The following SEPTIN2 variants were observed in gnomAD, a reference collection of about 807,000 sequenced individuals.
SEPTIN2 encodes septin-2.
Under a neutral mutation model 46.5 loss-of-function variants are expected in SEPTIN2, and 34 were observed. That is an observed-to-expected ratio of 0.73 (90% CI 0.56 to 0.97). The LOEUF is 0.97. Among genes scored for constraint, SEPTIN2 ranks in the 50% least tolerant of loss-of-function variants. The pLI is 0.00. For synonymous variants in SEPTIN2, 175 were observed against 153.4 expected (o/e 1.14, Z -1.04); for missense variants, 347 against 448.4 (o/e 0.77, Z 2.04).
intron 1 of SEPTIN2, chr2:241,316,302 C>G: frequency 2.4e-6 from 1 of 418,850 alleles, no homozygotes; most frequent in Non-Finnish European, 4.3e-6. Flanking sequence ...CTCGGGGCGT[C>G]GAGTGCGGTC....
Position 241,348,162 on chromosome 2 carries a change from G to C in SEPTIN2, c.955G>C (p.Asp319His), listed in dbSNP as rs1191101126. 1 of 1,613,294 alleles carries C rather than the reference G, an allele frequency of 6.2e-7. No homozygotes were observed. Among genetic ancestry groups the C allele is most frequent in the Non-Finnish European group, 8.5e-7 (1 of 1,179,606 alleles). ...RKVENEDMNK[D>H]QILLEKEAEL... ...AGTGGAGAATGAGGACATGAATAAA[G>C]ACCAGATCTTGCTGGAAAAAGAAGC... The change falls in exon 11 of 13, where the codon GAC (aspartate) becomes CAC (histidine). Residue 319 changes from aspartate to histidine, a missense_variant. Coordinates refer to ENST00000391971, the MANE Select transcript of SEPTIN2 (RefSeq NM_004404.5).
chr2:241,345,434 G>C (rs1405264275), intron 9 of SEPTIN2, among the ~76,000 whole-genome samples: 1 of 145,062 alleles, frequency 6.9e-6, no homozygotes, highest in African/African-American at 2.5e-5. Flanking sequence ...GACAGGGTTT[G>C]GGGACTTTAC....
rs369781908 is a variant in SEPTIN2, at chr2:241,340,850, G to T, written c.595-2142G>T. Among the ~76,000 whole-genome samples the T allele has an allele frequency of 2.0e-5, 3 of 152,096 alleles. No individual in the cohort carries two copies. The East Asian group carries it at 5.8e-4, about 29-fold the overall frequency. On this transcript the variant is annotated intron_variant, in intron 7 of 12. Coordinates refer to ENST00000391971, the MANE Select transcript of SEPTIN2 (RefSeq NM_004404.5). ...TATCTACAAGAACCTCTTGCCTCCT[G>T]CCAGCCTCTACTAGCTTCTTGCCTT... is the stretch of plus-strand genomic sequence containing the variant.
intron 1 of SEPTIN2, among the ~76,000 whole-genome samples, chr2:241,320,570 G>A (rs2076979147): frequency 1.3e-5 from 2 of 152,146 alleles, no homozygotes; most frequent in Non-Finnish European, 2.9e-5. Flanking sequence ...AGGGTGGGAG[G>A]ATCACCTGAG....
chr2:241,343,918 C>G, intron 9 of SEPTIN2, 21 bp downstream of exon 9: 10 of 1,612,600 alleles, frequency 6.2e-6, no homozygotes, highest in Non-Finnish European at 8.5e-6. Flanking sequence ...TGGTGTGTTC[C>G]TTCTGGCAGA....
intron 1 of SEPTIN2, among the ~76,000 whole-genome samples, chr2:241,319,373 TA>T (rs1402008295): frequency 6.6e-6 from 1 of 152,272 alleles, no homozygotes; most frequent in African/African-American, 2.4e-5. Context: ...CTTCAGTTGC[TA>T]ATTGTTGAAG....
In SEPTIN2 at chr2:241,343,911, T is replaced by C; in HGVS notation, c.842+14T>C. ...AACCATGCTCATGTAAGACATTTGG[T>C]GTGTTCCTTCTGGCAGAATTTGGCG... On this transcript the variant is annotated intron_variant, in intron 9 of 12. Coordinates refer to ENST00000391971, the MANE Select transcript of SEPTIN2 (RefSeq NM_004404.5). 1 of 1,613,522 alleles carries C rather than the reference T, an allele frequency of 6.2e-7. No individual in the cohort carries two copies. Among genetic ancestry groups the C allele is most frequent in the Non-Finnish European group, 8.5e-7 (1 of 1,179,512 alleles).
rs1225366317 is a variant in SEPTIN2, at chr2:241,343,914, GT to G, written c.842+19del. 3 of 1,612,860 alleles carry G rather than the reference GT, an allele frequency of 1.9e-6. No homozygotes were observed. In the Admixed American group the frequency reaches 5.0e-5, roughly 27 times the overall value. On this transcript the variant is annotated intron_variant, in intron 9 of 12. Coordinates refer to ENST00000391971, the MANE Select transcript of SEPTIN2 (RefSeq NM_004404.5). The stretch of plus-strand genomic sequence containing the variant: ...CATGCTCATGTAAGACATTTGGTGT[GT>G]TCCTTCTGGCAGAATTTGGCGTGAA...
intron 1 of SEPTIN2, chr2:241,316,822 C>T (rs1047463102): frequency 6.0e-6 from 2 of 335,278 alleles, no homozygotes; most frequent in South Asian, 9.9e-5. Context: ...TGGCCATTGC[C>T]CAAACTCTTA....
At chr2:241,319,145 T>C (rs184358802) in intron 1 of SEPTIN2, among the ~76,000 whole-genome samples, 1 of 152,240 alleles carries the variant, frequency 6.6e-6, no homozygotes, top group Non-Finnish European at 1.5e-5. Flanking sequence ...TGGATCTTGA[T>C]TCACATGAAA....
intron 1 of SEPTIN2, chr2:241,316,407 C>T (rs41266957): frequency 2.5e-5 from 26 of 1,025,542 alleles, no homozygotes; most frequent in Non-Finnish European, 3.5e-5. Flanking sequence ...CTAACGGTGC[C>T]ATTTCCTCCC....
chr2:241,333,204 TGTA>T (rs1299543189), intron 3 of SEPTIN2, among the ~76,000 whole-genome samples: 2 of 152,082 alleles, frequency 1.3e-5, no homozygotes, highest in Non-Finnish European at 2.9e-5. Flanking sequence ...ACTTTTAAAT[TGTA>T]GTATTAATAG....
intron 11 of SEPTIN2, among the ~76,000 whole-genome samples, chr2:241,349,200 A>G (rs2060548003): frequency 6.6e-6 from 1 of 151,924 alleles, no homozygotes; most frequent in Non-Finnish European, 1.5e-5. Context: ...CTCGTTCTCT[A>G]GAAAAAAATT....
chr2:241,346,136 C>T (rs994884588), intron 9 of SEPTIN2, 30 bp from the exon 10 acceptor site: 2 of 1,555,670 alleles, frequency 1.3e-6, no homozygotes, highest in Non-Finnish European at 8.9e-7. Context: ...GTGCATGATG[C>T]CACCTTGGTG....
At position 241,351,976 on chromosome 2, in the gene SEPTIN2, TC is replaced by T. The variant is rs2150245958; in HGVS notation, c.*41del. On this transcript the variant is annotated 3_prime_UTR_variant, in exon 13 of 13. Transcript: ENST00000391971. Reference sequence around the variant, plus strand: ...GTTTTCTTTTTTCTAGAAAACACTTTCCTGGATAAAAAAGAAAACATTCCAG... The same window carrying T: ...GTTTTCTTTTTTCTAGAAAACACTTTCTGGATAAAAAAGAAAACATTCCAG... 1 of 152,778 alleles carries T rather than the reference TC, an allele frequency of 6.5e-6. No homozygotes were observed. The highest frequency in any genetic ancestry group is 6.5e-5 in the Admixed American group (1 of 15,302). 9.5% of individuals were successfully genotyped at this position (152,778 alleles called of 1,614,324 possible).
intron 10 of SEPTIN2, among the ~76,000 whole-genome samples, chr2:241,346,870 AGTTAAGG>A (rs1191151095): frequency 1.3e-5 from 2 of 152,200 alleles, no homozygotes; most frequent in Admixed American, 6.5e-5. Context: ...GCAGCACCTG[AGTTAAGG>A]GTGAGGCCAG....
chr2:241,338,610 A>G (rs1016357110), intron 7 of SEPTIN2, among the ~76,000 whole-genome samples: 29 of 132,048 alleles, frequency 2.2e-4, no homozygotes, highest in East Asian at 1.6e-3. Flanking sequence ...TATATTTTAT[A>G]TATATAATAT....
At chr2:241,331,076 G>A (rs555495944) in intron 3 of SEPTIN2, among the ~76,000 whole-genome samples, 2 of 152,342 alleles carry the variant, frequency 1.3e-5, no homozygotes, top group South Asian at 2.1e-4. Flanking sequence ...CTATGCTGGA[G>A]GCTGAGGCGG....
intron 3 of SEPTIN2, among the ~76,000 whole-genome samples, chr2:241,329,630 AG>A (rs2078654004): frequency 6.6e-6 from 1 of 152,188 alleles, no homozygotes; most frequent in South Asian, 2.1e-4. Context: ...ACTCGCCAGC[AG>A]TTTTGTCAAG....
Sources: allele counts gnomAD v4.1 joint callset (sites outside exome capture counted in the v4.1 genomes callset), GRCh38; gene constraint gnomAD v4.1.1; transcripts MANE v1.5; gene names NCBI Gene and HGNC (gene_info 2026-07-23, HGNC 2026-07-21).